DYNC2H1: variants seen among roughly 807,000 people sequenced by gnomAD.
The protein encoded by DYNC2H1 is cytoplasmic dynein 2 heavy chain 1.
Under a neutral mutation model 570.0 loss-of-function variants are expected in DYNC2H1, and 410 were observed. The ratio of observed to expected loss-of-function variants is 0.72; its 90% CI spans 0.66 to 0.78. The LOEUF is 0.78. Ranked by LOEUF, DYNC2H1 falls within the 30% of genes least tolerant of loss-of-function variation. DYNC2H1 has a pLI of 0.00. For missense variants in DYNC2H1, 4,865 were observed against 5,046.4 expected (o/e 0.96, Z 1.09); for synonymous variants, 1,688 against 1,677.6 (o/e 1.01, Z -0.15).
In DYNC2H1 at chr11:103,152,116, T is replaced by TTG. The variant is rs1291718835; in HGVS notation, c.2947-19_2947-18insGT. ...AAAATAGGTTGTTATTCAATTTGTT[T>TTG]TTTTTTTTTTAACCTTTAGATTTTG... On this transcript the variant is annotated intron_variant, in intron 20 of 88. Transcript: ENST00000375735. 8 of 1,569,364 alleles carry TTG rather than the reference T, an allele frequency of 5.1e-6. No homozygotes were observed. Among genetic ancestry groups the TTG allele is most frequent in the African/African-American group, 2.7e-5 (2 of 72,894 alleles).
chr11:103,269,280 G>A (rs192267660), intron 70 of DYNC2H1, among the ~76,000 whole-genome samples: 11 of 152,228 alleles, frequency 7.2e-5, no homozygotes, highest in Middle Eastern at 6.8e-3. Context: ...GAGTTTCAGT[G>A]ATTAATAAAA....
At position 103,152,267 on chromosome 11, in the gene DYNC2H1, A is replaced by G. The variant is rs750286241; in HGVS notation, c.3078A>G (p.Gln1026=). The change falls in exon 21 of 89, where the codon CAA becomes CAG. Residue 1026 remains glutamine, a synonymous_variant. Transcript: ENST00000375735. The part of the protein sequence containing the change: ...DKFELMMESH[Q]LMIKDQIEVM... The stretch of plus-strand genomic sequence containing the variant: ...TTGAGTTAATGATGGAAAGTCACCA[A>G]CTTATGATTAAAGACCAGGTTAGAA... 1.9e-6 allele frequency: 3 copies of G among 1,602,364 alleles called. No homozygotes were observed. Among genetic ancestry groups the G allele is most frequent in the Non-Finnish European group, 2.5e-6 (3 of 1,176,498 alleles).
At chr11:103,332,933 G>A (rs1158961248) in intron 82 of DYNC2H1, among the ~76,000 whole-genome samples, 5 of 151,830 alleles carry the variant, frequency 3.3e-5, no homozygotes, top group African/African-American at 7.3e-5. Flanking sequence ...AACCTGGTAG[G>A]CAGAGGTTAC....
intron 85 of DYNC2H1, among the ~76,000 whole-genome samples, chr11:103,444,237 T>G (rs1000001322): frequency 6.6e-6 from 1 of 151,912 alleles, no homozygotes; most frequent in African/African-American, 2.4e-5. Flanking sequence ...ATAACAATTT[T>G]TATAATAATT....
chr11:103,385,984 A>G (rs979047627), intron 83 of DYNC2H1, among the ~76,000 whole-genome samples: 2 of 152,212 alleles, frequency 1.3e-5, no homozygotes, highest in Non-Finnish European at 2.9e-5. Context: ...CTATGAGAGA[A>G]TTAATAAGCA....
intron 84 of DYNC2H1, among the ~76,000 whole-genome samples, chr11:103,426,562 C>A (rs183480411): frequency 6.6e-6 from 1 of 152,224 alleles, no homozygotes; most frequent in East Asian, 1.9e-4. Flanking sequence ...ACTATTTAGA[C>A]CCTAAAATTC....
chr11:103,216,575 G>A (rs1436317093), intron 55 of DYNC2H1, among the ~76,000 whole-genome samples: 2 of 152,066 alleles, frequency 1.3e-5, no homozygotes, highest in African/African-American at 4.8e-5. Context: ...AAGATTGCTT[G>A]AGCCCATGAG....
chr11:103,155,218 G>T lies in DYNC2H1; in HGVS notation c.3574-113G>T, dbSNP rs951246886. 9 of 981,362 alleles carry T rather than the reference G, an allele frequency of 9.2e-6. No homozygotes were observed. The African/African-American group carries it at 1.6e-4, about 17-fold the overall frequency. The allele number at this position is 981,362 out of a possible 1,614,324, so 60.8% of individuals were successfully genotyped here. ...TTTAAGATTATTAAACAAGAAAATG[G>T]AATAATTAAAATTTTGGTAACTAAT... is the stretch of plus-strand genomic sequence containing the variant. On this transcript the variant is annotated intron_variant, in intron 24 of 88. Transcript: ENST00000375735.
intron 84 of DYNC2H1, among the ~76,000 whole-genome samples, chr11:103,413,043 C>T (rs1591711213): frequency 6.6e-6 from 1 of 152,118 alleles, no homozygotes; most frequent in East Asian, 1.9e-4. Context: ...CAGAAACTCC[C>T]AGTGTGTTTA....
intron 36 of DYNC2H1, 92 bp downstream of exon 36, chr11:103,174,262 A>G: frequency 9.1e-7 from 1 of 1,094,664 alleles, no homozygotes; most frequent in Non-Finnish European, 1.3e-6. Flanking sequence ...AGTTGTAGAT[A>G]CAATATTAAG....
chr11:103,368,538 G>A (rs1941012469), intron 83 of DYNC2H1, among the ~76,000 whole-genome samples: 1 of 151,848 alleles, frequency 6.6e-6, no homozygotes, highest in Non-Finnish European at 1.5e-5. Context: ...CCATTCTGTA[G>A]GTTAACTCTT....
intron 83 of DYNC2H1, among the ~76,000 whole-genome samples, chr11:103,394,272 A>G (rs1303507874): frequency 6.6e-6 from 1 of 152,190 alleles, no homozygotes; most frequent in Non-Finnish European, 1.5e-5. Context: ...TTGCTATGAA[A>G]AGGAATACGG....
intron 75 of DYNC2H1, 114 bp downstream of exon 75, chr11:103,287,719 AT>A: frequency 2.4e-6 from 2 of 846,152 alleles, no homozygotes; most frequent in Non-Finnish European, 1.8e-6. Flanking sequence ...TCTTTTATTC[AT>A]TCTGTTTATT....
Position 103,479,245 on chromosome 11 carries a change from A to C in DYNC2H1, c.12916A>C (p.Asn4306His), listed in dbSNP as rs200264343. The change falls in exon 89 of 89, where the codon AAT becomes CAT. Residue 4306 changes from asparagine (N) to histidine (H), a missense_variant. Coordinates refer to ENST00000375735, the MANE Select transcript of DYNC2H1 (RefSeq NM_001377.3). The stretch of plus-strand genomic sequence containing the variant: ...GTGTGGAGCAGCTCTATTCCTAAAA[A>C]ATCAGTAGAATCTAATGACAACAAA... ...IQCGAALFLK[N>H]Q 52 of 1,610,320 alleles carry C rather than the reference A, an allele frequency of 3.2e-5. 1 individual carries two copies. In the South Asian group the frequency reaches 5.1e-4, roughly 16 times the overall value.
At chr11:103,165,762 A>T in intron 30 of DYNC2H1, 136 bp from the exon 31 acceptor site, 1 of 626,730 alleles carries the variant, frequency 1.6e-6, no homozygotes, top group South Asian at 3.0e-5. Context: ...TTAATATTTA[A>T]GGTTCCAGTA....
chr11:103,259,695 A>G (rs1865192976), intron 69 of DYNC2H1, among the ~76,000 whole-genome samples, 193 bp from the exon 70 acceptor site: 1 of 152,172 alleles, frequency 6.6e-6, no homozygotes, highest in East Asian at 1.9e-4. Flanking sequence ...CTTTAACTCT[A>G]TACATTAAAG....
At chr11:103,400,371 G>A (rs771653840) in intron 84 of DYNC2H1, among the ~76,000 whole-genome samples, 1 of 152,206 alleles carries the variant, frequency 6.6e-6, no homozygotes, top group East Asian at 1.9e-4. Flanking sequence ...CCTGGAGCTG[G>A]GGATGGATTT....
chr11:103,180,316 CTGTT>C (rs1272593392), intron 39 of DYNC2H1, among the ~76,000 whole-genome samples: 5 of 151,346 alleles, frequency 3.3e-5, no homozygotes, highest in African/African-American at 1.2e-4. Context: ...AGGAGTAAAA[CTGTT>C]TGTAGAGAGC....
chr11:103,436,268 G>GA (rs1944058048), intron 85 of DYNC2H1, among the ~76,000 whole-genome samples: 1 of 150,648 alleles, frequency 6.6e-6, no homozygotes, highest in African/African-American at 2.4e-5. Context: ...AGAATTTAGA[G>GA]AAAAATTTAC....
Sources: allele counts gnomAD v4.1 joint callset (sites outside exome capture counted in the v4.1 genomes callset), GRCh38; gene constraint gnomAD v4.1.1; transcripts MANE v1.5; gene names NCBI Gene and HGNC (gene_info 2026-07-23, HGNC 2026-07-21).